FARP2: variants seen among roughly 807,000 people sequenced by gnomAD.
FARP2 encodes the protein FERM, ARH/RhoGEF and pleckstrin domain protein 2.
FARP2 carries 111 observed loss-of-function variants against 130.5 expected under a neutral mutation model. That is an observed-to-expected ratio of 0.85 (90% CI 0.73 to 1.00). FARP2 has a LOEUF of 1.00. Ranked by LOEUF, FARP2 falls within the 50% of genes least tolerant of loss-of-function variation. The pLI is 0.00. For missense variants in FARP2, 1,385 were observed against 1,346.3 expected, an observed-to-expected ratio of 1.03 and a Z score of -0.45; for synonymous variants, 504 against 516.9, an observed-to-expected ratio of 0.98 and a Z score of 0.34.
intron 2 of FARP2, among the ~76,000 whole-genome samples, chr2:241,389,643 A>G (rs1202721243): frequency 6.6e-6 from 1 of 152,206 alleles, no homozygotes; most frequent in Non-Finnish European, 1.5e-5. Flanking sequence ...CAGGTGATCC[A>G]CTTTCTTTGA....
At chr2:241,422,260 C>CA (rs1198628886) in intron 8 of FARP2, among the ~76,000 whole-genome samples, 5,443 of 91,960 alleles carry the variant, frequency 0.059, 142 homozygotes, top group Middle Eastern at 0.18. Flanking sequence ...ACTAAAAATA[C>CA]AAAAAAAAAA....
chr2:241,459,388 G>A lies in FARP2; in HGVS notation c.1587+2466G>A, dbSNP rs985583469. ...GCACGTGCTGCCACTGAGGCCACCC[G>A]TCAAGCTTTTGCACTTGCACCCAGT... On this transcript the variant is annotated intron_variant, in intron 14 of 26. Coordinates refer to ENST00000264042, the MANE Select transcript of FARP2 (RefSeq NM_014808.4). This position sits in a 1 kb window ranked among gnomAD's most constrained non-coding sequence, Gnocchi z 5.3. Among the ~76,000 whole-genome samples the A allele has an allele frequency of 2.0e-5, 3 of 152,218 alleles. No individual in the cohort carries two copies. Among genetic ancestry groups the A allele is most frequent in the African/African-American group, 4.8e-5 (2 of 41,470 alleles).
Position 241,410,479 on chromosome 2 carries a change from T to C in FARP2, c.411-554T>C, listed in dbSNP as rs193037163. On this transcript the variant is annotated intron_variant, in intron 5 of 26. Coordinates refer to ENST00000264042, the MANE Select transcript of FARP2 (RefSeq NM_014808.4). Reference sequence around the variant, plus strand: ...AGAGTTTCGCTCTTGTTGCCTAACATGGAGTGCAGTGGCATGATCTCAGCT... The same window carrying C: ...AGAGTTTCGCTCTTGTTGCCTAACACGGAGTGCAGTGGCATGATCTCAGCT... 1.8e-4 allele frequency among the ~76,000 whole-genome samples: 27 copies of C among 151,160 alleles called. No homozygotes were observed. The East Asian group carries it at 4.1e-3, about 23-fold the overall frequency.
chr2:241,461,432 TC>T (rs143289946), intron 14 of FARP2, among the ~76,000 whole-genome samples: 6,776 of 152,152 alleles, frequency 0.045, 254 homozygotes, highest in Non-Finnish European at 0.058. Context: ...GTGGCCTGCT[TC>T]CCCACCAATA....
intron 1 of FARP2, among the ~76,000 whole-genome samples, chr2:241,363,992 C>T (rs984309037): frequency 6.6e-6 from 1 of 152,210 alleles, no homozygotes; most frequent in Non-Finnish European, 1.5e-5. Flanking sequence ...GATTTGTGGC[C>T]TCCATGAGCT....
chr2:241,360,953 G>A (rs1197323677), intron 1 of FARP2, among the ~76,000 whole-genome samples: 6 of 151,046 alleles, frequency 4.0e-5, no homozygotes, highest in Non-Finnish European at 7.4e-5. Context: ...GCTGTTTCTA[G>A]TACTGCTACA....
At chr2:241,420,770 A>G (rs1178564908) in intron 8 of FARP2, among the ~76,000 whole-genome samples, 5 of 152,136 alleles carry the variant, frequency 3.3e-5, no homozygotes, top group African/African-American at 7.2e-5. Flanking sequence ...ACATGCAACA[A>G]TAGGAACCCA....
intron 2 of FARP2, among the ~76,000 whole-genome samples, chr2:241,378,358 C>A (rs918071954): frequency 6.6e-6 from 1 of 150,784 alleles, no homozygotes; most frequent in African/African-American, 2.4e-5. Context: ...TGATCCGCCT[C>A]CCCCCCTCGG....
intron 8 of FARP2, among the ~76,000 whole-genome samples, chr2:241,421,050 A>T (rs1036487533): frequency 6.6e-6 from 1 of 152,176 alleles, no homozygotes; most frequent in African/African-American, 2.4e-5. Context: ...GTGGGGGTTG[A>T]TGGCCCACCC....
intron 17 of FARP2, chr2:241,466,419 C>G: frequency 1.0e-6 from 1 of 985,428 alleles, no homozygotes. Context: ...TGGGTGGGCA[C>G]TGGTCCTCAG....
At chr2:241,373,322 CT>C in intron 2 of FARP2, 32 bp downstream of exon 2, 1 of 1,318,122 alleles carries the variant, frequency 7.6e-7, no homozygotes, top group Non-Finnish European at 9.9e-7. Flanking sequence ...GGCATATTTC[CT>C]TATATCTTCT....
chr2:241,456,631 C>G, intron 13 of FARP2, 116 bp from the exon 14 acceptor site: 1 of 897,188 alleles, frequency 1.1e-6, no homozygotes, highest in Non-Finnish European at 1.8e-6. Context: ...TTACAGGAAG[C>G]GCCTGGCACT....
At chr2:241,442,225 A>T (rs2063403990) in intron 13 of FARP2, 1 of 456,630 alleles carries the variant, frequency 2.2e-6, no homozygotes, top group Admixed American at 2.3e-5. Context: ...CAGCTCAGCC[A>T]GTCAATCTGA....
intron 14 of FARP2, among the ~76,000 whole-genome samples, chr2:241,457,484 G>A (rs2063886724): frequency 7.6e-6 from 1 of 131,106 alleles, no homozygotes; most frequent in Non-Finnish European, 1.7e-5. Context: ...TTGGGTTCCG[G>A]AGAGGCTCTT....
Position 241,407,611 on chromosome 2 carries a change from A to G in FARP2, c.406A>G (p.Thr136Ala), listed in dbSNP as rs773094525. ...TCCTGGTCAGCTACAAGAAGAATATACAAGGTAAAGAGCTCACAGAGCTGA... is the reference window on the plus strand; with the variant it reads ...TCCTGGTCAGCTACAAGAAGAATATGCAAGGTAAAGAGCTCACAGAGCTGA... ...PDPGQLQEEY[T>A]RYLFALQLKR... The change falls in exon 5 of 27, where the codon ACA (threonine) becomes GCA (alanine). Residue 136 changes from threonine to alanine, a missense_variant. Transcript: ENST00000264042. 13 of 1,612,798 alleles carry G rather than the reference A, an allele frequency of 8.1e-6. No homozygotes were observed. Among genetic ancestry groups the G allele is most frequent in the Admixed American group, 1.7e-5 (1 of 60,006 alleles).
chr2:241,366,672 G>C (rs546044850), intron 1 of FARP2, among the ~76,000 whole-genome samples: 1 of 151,942 alleles, frequency 6.6e-6, no homozygotes, highest in Admixed American at 6.6e-5. Flanking sequence ...TTTAATTTTT[G>C]GCTACCAAAC....
chr2:241,370,721 T>C (rs1212084981), intron 1 of FARP2, among the ~76,000 whole-genome samples: 1 of 152,200 alleles, frequency 6.6e-6, no homozygotes, highest in African/African-American at 2.4e-5. Flanking sequence ...TAAAGTGTTG[T>C]TCTGTTTGTG....
chr2:241,487,786 C>G (rs1219697345), intron 21 of FARP2, among the ~76,000 whole-genome samples: 21 of 105,484 alleles, frequency 2.0e-4, no homozygotes, highest in Non-Finnish European at 3.5e-4. Flanking sequence ...ATCGCTCTGT[C>G]GCCCAGGCTG....
chr2:241,447,498 C>T (rs765982144), intron 13 of FARP2, among the ~76,000 whole-genome samples: 15 of 152,160 alleles, frequency 9.9e-5, no homozygotes, highest in Non-Finnish European at 1.8e-4. Flanking sequence ...CCCCACGGGG[C>T]GGGCCTTGTG....
Sources: gnomAD v4.1 joint callset for allele counts (sites outside exome capture counted in the v4.1 genomes callset) on GRCh38, gnomAD v4.1.1 for gene constraint, Gnocchi (gnomAD v3.1) non-coding constraint, MANE v1.5 for transcripts, NCBI Gene and HGNC (gene_info 2026-07-23, HGNC 2026-07-21) for gene names.